LRIG1: variants seen among roughly 807,000 people sequenced by gnomAD.
The protein encoded by LRIG1 is leucine rich repeats and immunoglobulin like domains 1.
Under a neutral mutation model 99.2 loss-of-function variants are expected in LRIG1, and 48 were observed. The ratio of observed to expected loss-of-function variants is 0.48; its 90% CI spans 0.38 to 0.62. The LOEUF (loss-of-function observed/expected upper bound fraction) is 0.62. Ranked by LOEUF, LRIG1 falls within the 20% of genes least tolerant of loss-of-function variation. LRIG1 has a pLI of 0.00. For synonymous variants in LRIG1, 772 were observed against 596.1 expected (o/e 1.29, Z -4.30); for missense variants, 1,646 against 1,434.4 (o/e 1.15, Z -2.38).
In LRIG1 at chr3:66,380,027, G is replaced by T; in HGVS notation, c.*236C>A. The T allele has an allele frequency of 2.7e-6, 1 of 367,296 alleles. No homozygotes were observed. Among genetic ancestry groups the T allele is most frequent in the Admixed American group, 4.2e-5 (1 of 23,912 alleles). 22.8% of individuals were successfully genotyped at this position (367,296 alleles called of 1,614,324 possible). On this transcript the variant is annotated 3_prime_UTR_variant, in exon 19 of 19. Coordinates refer to ENST00000273261, the MANE Select transcript of LRIG1 (RefSeq NM_015541.3). ...AATAGCCTCTGTAAAAGATATATAT[G>T]AAATCTCTGAAAACTCTTATGTACA...
At chr3:66,428,165 G>T (rs1254466733) in intron 3 of LRIG1, among the ~76,000 whole-genome samples, 1 of 152,186 alleles carries the variant, frequency 6.6e-6, no homozygotes, top group African/African-American at 2.4e-5. Flanking sequence ...CAATGTCCAG[G>T]CATGGAATTG....
chr3:66,395,883 C>T (rs1040868539), intron 11 of LRIG1, among the ~76,000 whole-genome samples: 1 of 152,222 alleles, frequency 6.6e-6, no homozygotes. Context: ...AGGGCACTTC[C>T]GTGCAGTCAG....
intron 7 of LRIG1, among the ~76,000 whole-genome samples, chr3:66,408,592 T>G (rs903854350): frequency 6.6e-6 from 1 of 152,148 alleles, no homozygotes; most frequent in African/African-American, 2.4e-5. Flanking sequence ...CACGATACAC[T>G]GGTGAGTCAG....
chr3:66,382,853 T>G, intron 15 of LRIG1, 129 bp downstream of exon 15: 1 of 784,330 alleles, frequency 1.3e-6, no homozygotes, highest in South Asian at 1.9e-5. Context: ...ATGGAATTAG[T>G]GGGACTAAAC....
In LRIG1 at chr3:66,385,989, G is replaced by T. The variant is rs755438992; in HGVS notation, c.1781C>A (p.Thr594Asn). 1 of 1,613,530 alleles carries T rather than the reference G, an allele frequency of 6.2e-7. No homozygotes were observed. The highest frequency in any genetic ancestry group is 1.3e-5 in the African/African-American group (1 of 75,044). The change falls in exon 13 of 19, where the codon ACC (threonine) becomes AAC (asparagine). Residue 594 changes from threonine to asparagine, a missense_variant. By Grantham distance (65) the Thr-to-Asn change is moderately conservative. Transcript: ENST00000273261. ...AGATGGTGTTTCCATACCATTCACG[G>T]TGAGCCTGGCCTTATGTGAATAGGT... ...GSTYSHKARL[T>N]VNVLPSFTKT...
At chr3:66,405,118 C>T in intron 9 of LRIG1, 80 bp downstream of exon 9, 4 of 1,281,162 alleles carry the variant, frequency 3.1e-6, no homozygotes, top group South Asian at 1.2e-5. Flanking sequence ...CAGAGAGGCG[C>T]GGGGGGCGCC....
At chr3:66,496,998 A>G (rs1309744434) in intron 1 of LRIG1, among the ~76,000 whole-genome samples, 2 of 152,264 alleles carry the variant, frequency 1.3e-5, no homozygotes, top group Non-Finnish European at 2.9e-5. Flanking sequence ...TGGCAAGGTT[A>G]GATTTAAGCT....
chr3:66,459,269 T>G (rs1459993027), intron 2 of LRIG1, among the ~76,000 whole-genome samples: 1 of 152,106 alleles, frequency 6.6e-6, no homozygotes, highest in Non-Finnish European at 1.5e-5. Context: ...CCAAATCAAA[T>G]GAAAGGTAAA....
chr3:66,402,176 C>T (rs1402351577), intron 9 of LRIG1, among the ~76,000 whole-genome samples: 1 of 152,156 alleles, frequency 6.6e-6, no homozygotes, highest in African/African-American at 2.4e-5. Context: ...AAGTCGCATA[C>T]CCAGGTCACT....
chr3:66,497,345 C>T (rs192158529), intron 1 of LRIG1, among the ~76,000 whole-genome samples: 39 of 152,248 alleles, frequency 2.6e-4, no homozygotes, highest in Non-Finnish European at 4.7e-4. Context: ...GCTTCTGAAG[C>T]CATGCTCTCA....
Position 66,391,588 on chromosome 3 carries a change from G to A in LRIG1, c.1468+2452C>T, listed in dbSNP as rs151094401. On this transcript the variant is annotated intron_variant, in intron 12 of 18. Transcript: ENST00000273261. ...AATAGGCAAATGATGGAGACACAAT[G>A]AGATTAGTGCTATCAAGGGCCTGGG... Among the ~76,000 whole-genome samples, 1,338 of 152,298 alleles carry A rather than the reference G, an allele frequency of 8.8e-3. 29 individuals carry two copies. Among genetic ancestry groups the A allele is most frequent in the African/African-American group, 0.031 (1,291 of 41,538 alleles).
chr3:66,484,231 C>T (rs73836306), intron 1 of LRIG1, among the ~76,000 whole-genome samples: 7,795 of 152,142 alleles, frequency 0.051, 604 homozygotes, highest in African/African-American at 0.17. Context: ...GGTATTTCCA[C>T]AGGACATACA....
intron 2 of LRIG1, among the ~76,000 whole-genome samples, chr3:66,458,949 G>A (rs887385439): frequency 2.0e-5 from 3 of 151,514 alleles, no homozygotes; most frequent in Non-Finnish European, 2.9e-5. Flanking sequence ...CCGAAGAGGC[G>A]GAGGTTGCAG....
chr3:66,456,653 C>T (rs1274270081), intron 2 of LRIG1, among the ~76,000 whole-genome samples: 5 of 152,078 alleles, frequency 3.3e-5, no homozygotes, highest in Admixed American at 6.5e-5. Context: ...TTATTTTACC[C>T]TCTCCCTAAA....
rs1307711395 is a variant in LRIG1, at chr3:66,466,691, T to C, written c.219-4182A>G. 2.6e-5 allele frequency among the ~76,000 whole-genome samples: 4 copies of C among 152,320 alleles called. No individual in the cohort carries two copies. The East Asian group carries it at 7.7e-4, about 29-fold the overall frequency. The stretch of plus-strand genomic sequence containing the variant: ...CCTTTCTTTCAGGTGGCAGCTGACA[T>C]GCACACACATCTAAAGCATCTCACT... On this transcript the variant is annotated intron_variant, in intron 1 of 18. Coordinates refer to ENST00000273261, the MANE Select transcript of LRIG1 (RefSeq NM_015541.3).
chr3:66,441,347 C>CCGAG (rs1174933056), intron 3 of LRIG1, among the ~76,000 whole-genome samples: 1 of 152,170 alleles, frequency 6.6e-6, no homozygotes, highest in African/African-American at 2.4e-5. Flanking sequence ...TAGCCACTAT[C>CCGAG]CGAGAATCTA....
chr3:66,414,926 G>A lies in LRIG1; in HGVS notation c.641C>T (p.Thr214Ile), dbSNP rs575731933. Residue 214 changes from threonine (T) to isoleucine (I), a missense_variant, in exon 5 of 19, where the codon ACA (threonine) becomes ATA (isoleucine). Thr to Ile is a moderately conservative substitution (Grantham distance 89). Coordinates refer to ENST00000273261, the MANE Select transcript of LRIG1 (RefSeq NM_015541.3). ...TGTAGGTTTCTGTACTCACAGTTGTGTCAGCCTGGGTAGCTTGAATGCTCT... is the reference window on the plus strand; with the variant it reads ...TGTAGGTTTCTGTACTCACAGTTGTATCAGCCTGGGTAGCTTGAATGCTCT... ...PVRAFKLPRL[T>I]QLDLNRNRIR... 1.3e-6 allele frequency: 2 copies of A among 1,599,262 alleles called. No homozygotes were observed. The highest frequency in any genetic ancestry group is 1.1e-5 in the South Asian group (1 of 88,300).
intron 4 of LRIG1, among the ~76,000 whole-genome samples, chr3:66,416,300 G>A (rs1168611802): frequency 6.6e-6 from 1 of 152,122 alleles, no homozygotes; most frequent in African/African-American, 2.4e-5. Flanking sequence ...TCTTCTTCTT[G>A]CAGTATTTAC....
chr3:66,447,917 G>T (rs2106797405), intron 3 of LRIG1, among the ~76,000 whole-genome samples: 1 of 152,282 alleles, frequency 6.6e-6, no homozygotes, highest in African/African-American at 2.4e-5. Context: ...TCTCAAACGT[G>T]AAAATCCACT....
Sources: gnomAD v4.1 joint callset for allele counts (sites outside exome capture counted in the v4.1 genomes callset) on GRCh38, gnomAD v4.1.1 for gene constraint, MANE v1.5 for transcripts, NCBI Gene and HGNC (gene_info 2026-07-23, HGNC 2026-07-21) for gene names.